MSRA: variants seen among roughly 807,000 people sequenced by gnomAD.
The protein encoded by MSRA is mitochondrial peptide methionine sulfoxide reductase.
In MSRA, 54 loss-of-function variants were observed where a neutral mutation model predicts 31.3. The ratio of observed to expected loss-of-function variants is 1.73; its 90% confidence interval spans 1.39 to 2.17. The LOEUF (loss-of-function observed/expected upper bound fraction) is 2.17, where lower values mean the gene tolerates loss of function less well. Ranked by LOEUF, MSRA falls within the 30% of genes most tolerant of loss-of-function variation. The probability of loss-of-function intolerance (pLI) is 0.00; values close to 1 mark genes in which losing one functional copy is unlikely to be tolerated. For missense variants in MSRA, 507 were observed against 300.9 expected, an observed-to-expected ratio of 1.69 and a Z score of -5.07; for synonymous variants, 169 against 116.5, an observed-to-expected ratio of 1.45 and a Z score of -2.90.
At chr8:10,140,533 G>GT (rs1563141948) in intron 1 of MSRA, among the ~76,000 whole-genome samples, 1 of 152,086 alleles carries the variant, frequency 6.6e-6, no homozygotes, top group African/African-American at 2.4e-5. Flanking sequence ...ATAAATTCAC[G>GT]TTTTAGCATA....
At chr8:10,393,647 G>A (rs1806908585) in intron 5 of MSRA, among the ~76,000 whole-genome samples, 1 of 152,196 alleles carries the variant, frequency 6.6e-6, no homozygotes, top group African/African-American at 2.4e-5. Flanking sequence ...TTATAGCGCG[G>A]AAAATGTGGG....
At chr8:10,185,635 A>C (rs11777161) in intron 1 of MSRA, among the ~76,000 whole-genome samples, 3 of 151,982 alleles carry the variant, frequency 2.0e-5, no homozygotes, top group Admixed American at 6.5e-5. Flanking sequence ...AGAAGAAAGT[A>C]GCAGATGGTT....
At chr8:10,158,073 G>T (rs1040143749) in intron 1 of MSRA, among the ~76,000 whole-genome samples, 11 of 152,190 alleles carry the variant, frequency 7.2e-5, no homozygotes, top group African/African-American at 2.2e-4. Context: ...CTGCTTCATA[G>T]ATGGCACCTT....
At chr8:10,136,574 A>G (rs530405687) in intron 1 of MSRA, among the ~76,000 whole-genome samples, 1 of 152,354 alleles carries the variant, frequency 6.6e-6, no homozygotes, top group South Asian at 2.1e-4. Context: ...ACTTTGAAAA[A>G]TCACAAGTGT....
At chr8:10,333,247 G>A (rs567933398) in intron 5 of MSRA, among the ~76,000 whole-genome samples, 35 of 152,282 alleles carry the variant, frequency 2.3e-4, no homozygotes, top group African/African-American at 8.2e-4. Context: ...TCCCATATGT[G>A]ATGTCCAGAC....
chr8:10,223,377 T>G (rs537494287), intron 2 of MSRA, among the ~76,000 whole-genome samples: 38 of 152,326 alleles, frequency 2.5e-4, no homozygotes, highest in South Asian at 2.3e-3. Context: ...ATTTAGAATA[T>G]GAAATCAGTG....
At chr8:10,384,519 G>A (rs1806267221) in intron 5 of MSRA, among the ~76,000 whole-genome samples, 1 of 152,194 alleles carries the variant, frequency 6.6e-6, no homozygotes, top group Non-Finnish European at 1.5e-5. Context: ...AACTCTGGCT[G>A]CTCATTGGAA....
At chr8:10,138,777 C>G (rs540502534) in intron 1 of MSRA, among the ~76,000 whole-genome samples, 2 of 152,280 alleles carry the variant, frequency 1.3e-5, no homozygotes, top group African/African-American at 4.8e-5. Flanking sequence ...CTCCCCTTAT[C>G]TTAGTACAAC....
intron 3 of MSRA, among the ~76,000 whole-genome samples, chr8:10,282,422 CAA>C (rs764378213): frequency 1.2e-4 from 18 of 152,198 alleles, no homozygotes; most frequent in Non-Finnish European, 2.5e-4. Flanking sequence ...ATGAAAGCTA[CAA>C]AAGTCATTGA....
chr8:10,247,168 C>G (rs1338028169), intron 3 of MSRA, among the ~76,000 whole-genome samples: 1 of 152,202 alleles, frequency 6.6e-6, no homozygotes, highest in Admixed American at 6.5e-5. Flanking sequence ...ATATGCCAGA[C>G]ACTGTAATAA....
chr8:10,055,020 G>T (rs1335093047), intron 1 of MSRA, among the ~76,000 whole-genome samples: 1 of 152,210 alleles, frequency 6.6e-6, no homozygotes, highest in Non-Finnish European at 1.5e-5. Flanking sequence ...CTGTGCCTGC[G>T]CCCTCCTTTC....
At chr8:10,420,302 GT>G (rs1253997716) in intron 5 of MSRA, among the ~76,000 whole-genome samples, 88 of 146,608 alleles carry the variant, frequency 6.0e-4, no homozygotes, top group South Asian at 3.1e-3. Flanking sequence ...AAGTTTTTTT[GT>G]TTTTTTTTTT....
At chr8:10,264,831 C>T (rs927750367) in intron 3 of MSRA, among the ~76,000 whole-genome samples, 1 of 152,170 alleles carries the variant, frequency 6.6e-6, no homozygotes, top group Non-Finnish European at 1.5e-5. Flanking sequence ...GTCAGTTAAA[C>T]AGTTAGATAG....
intron 5 of MSRA, among the ~76,000 whole-genome samples, chr8:10,353,068 C>G (rs937790103): frequency 2.0e-5 from 3 of 152,082 alleles, no homozygotes; most frequent in African/African-American, 4.8e-5. Flanking sequence ...GTGGAGAGAG[C>G]ATTCCAGTCC....
intron 1 of MSRA, among the ~76,000 whole-genome samples, chr8:10,179,806 G>C (rs570477629): frequency 2.5e-3 from 379 of 152,294 alleles, no homozygotes; most frequent in Middle Eastern, 0.01. Flanking sequence ...AAAGCGCTTA[G>C]CTCAGGGCCT....
At position 10,301,386 on chromosome 8, in the gene MSRA, G is replaced by C. The variant is rs76468476; in HGVS notation, c.332-148G>C. 4.9e-6 allele frequency: 3 copies of C among 613,512 alleles called. No homozygotes were observed. The South Asian group carries it at 6.0e-5, about 12-fold the overall frequency. The allele number at this position is 613,512 out of a possible 1,614,324, so 38.0% of individuals were successfully genotyped here. On this transcript the variant is annotated intron_variant, in intron 3 of 5. Coordinates refer to ENST00000317173, the MANE Select transcript of MSRA (RefSeq NM_012331.5). ...GAACCAGTAACAGAGCCTTGAGAGA[G>C]ACTCTTAGCTAAAGTCTAATCCTCC...
intron 2 of MSRA, among the ~76,000 whole-genome samples, chr8:10,216,278 A>G (rs1419701200): frequency 6.6e-6 from 1 of 152,226 alleles, no homozygotes; most frequent in Non-Finnish European, 1.5e-5. Context: ...GTGAAATGAA[A>G]TACACAAAGA....
chr8:10,080,433 C>T (rs1798235733), intron 1 of MSRA, among the ~76,000 whole-genome samples: 1 of 151,848 alleles, frequency 6.6e-6, no homozygotes, highest in Admixed American at 6.6e-5. Context: ...GCTGTGGTTT[C>T]CTCCAGGAGC....
chr8:10,223,677 G>C (rs1399306934), intron 2 of MSRA, among the ~76,000 whole-genome samples: 1 of 152,098 alleles, frequency 6.6e-6, no homozygotes, highest in Non-Finnish European at 1.5e-5. Flanking sequence ...ACAGATACTG[G>C]GACAGAAAAT....
Sources: gnomAD v4.1 joint callset for allele counts (sites outside exome capture counted in the v4.1 genomes callset) on GRCh38, gnomAD v4.1.1 for gene constraint, MANE v1.5 for transcripts, NCBI Gene and HGNC (gene_info 2026-07-23, HGNC 2026-07-21) for gene names.